Variants in KPNA4 observed in about 807,000 individuals in gnomAD.
The protein encoded by KPNA4 is importin subunit alpha-3.
Under a neutral mutation model 71.3 loss-of-function variants are expected in KPNA4, and 13 were observed. The observed-to-expected ratio is 0.18, with a 90% CI of 0.12 to 0.29. KPNA4 has a LOEUF of 0.29. KPNA4 is among the 10% of genes least tolerant of loss of function. KPNA4 has a pLI of 1.00. For synonymous variants in KPNA4, 189 were observed against 195.2 expected, an observed-to-expected ratio of 0.97 and a Z score of 0.26; for missense variants, 334 against 603.2, an observed-to-expected ratio of 0.55 and a Z score of 4.67.
chr3:160,548,731 T>G (rs1020011272), intron 1 of KPNA4, among the ~76,000 whole-genome samples: 19 of 152,238 alleles, frequency 1.2e-4, no homozygotes, highest in African/African-American at 4.3e-4. Flanking sequence ...TTTTGGATAC[T>G]GCAAATGCTG....
rs1018681614 is a variant in KPNA4, at chr3:160,498,838, T to C, written c.*3266A>G. 2 of 152,270 alleles carry C rather than the reference T, an allele frequency of 1.3e-5. No homozygotes were observed. Among genetic ancestry groups the C allele is most frequent in the Admixed American group, 6.5e-5 (1 of 15,288 alleles). The allele number at this position is 152,270 out of a possible 1,614,324, so 9.4% of individuals were successfully genotyped here. On this transcript the variant is annotated 3_prime_UTR_variant, in exon 17 of 17. Coordinates refer to ENST00000334256, the MANE Select transcript of KPNA4 (RefSeq NM_002268.5). Reference sequence around the variant, plus strand: ...TTGACCTACAGAAATTGTGAAATAATGTATGTTGTGTTTTAAGACACTAAA... The same window carrying C: ...TTGACCTACAGAAATTGTGAAATAACGTATGTTGTGTTTTAAGACACTAAA...
chr3:160,502,685 AGGG>A (rs1163068717), intron 16 of KPNA4, among the ~76,000 whole-genome samples: 6 of 152,162 alleles, frequency 3.9e-5, no homozygotes, highest in Non-Finnish European at 8.8e-5. Flanking sequence ...CTTTTTCTTA[AGGG>A]ATGCCAAAAT....
At chr3:160,527,501 C>T (rs1461440095) in intron 8 of KPNA4, among the ~76,000 whole-genome samples, 1 of 152,102 alleles carries the variant, frequency 6.6e-6, no homozygotes, top group Non-Finnish European at 1.5e-5. Context: ...GTACTGAAGT[C>T]TGCAAGAGAG....
intron 8 of KPNA4, among the ~76,000 whole-genome samples, chr3:160,526,941 T>G (rs77183377): frequency 2.0e-5 from 3 of 152,186 alleles, no homozygotes; most frequent in Non-Finnish European, 2.9e-5. Flanking sequence ...AGTCTGGATA[T>G]AGAAACAATA....
At chr3:160,541,899 G>C (rs913221472) in intron 1 of KPNA4, among the ~76,000 whole-genome samples, 2 of 152,128 alleles carry the variant, frequency 1.3e-5, no homozygotes, top group African/African-American at 4.8e-5. Flanking sequence ...CAAACAGCAA[G>C]TGCCAAACAC....
chr3:160,503,277 AG>A (rs1720918833), intron 16 of KPNA4, among the ~76,000 whole-genome samples: 1 of 152,252 alleles, frequency 6.6e-6, no homozygotes, highest in African/African-American at 2.4e-5. Context: ...GGCTTAAAAT[AG>A]TAAAATACAG....
chr3:160,495,519 A>T lies in KPNA4; in HGVS notation c.*6585T>A, dbSNP rs1720739290. 2.0e-5 allele frequency: 2 copies of T among 98,410 alleles called. No individual in the cohort carries two copies. The highest frequency in any genetic ancestry group is 5.2e-4 in the South Asian group (2 of 3,818). The allele number at this position is 98,410 out of a possible 1,614,324, so 6.1% of individuals were successfully genotyped here. On this transcript the variant is annotated 3_prime_UTR_variant, in exon 17 of 17. Transcript: ENST00000334256. ...TATCCTAGATCATCCTAAACTGGTT[A>T]AAAGGAAGATTTTAAAAACTAGCTT... is the stretch of plus-strand genomic sequence containing the variant.
chr3:160,510,075 C>T (rs1721060427), intron 13 of KPNA4, among the ~76,000 whole-genome samples: 1 of 151,994 alleles, frequency 6.6e-6, no homozygotes, highest in African/African-American at 2.4e-5. Context: ...TGTGAAATCT[C>T]CTGGAAACAA....
chr3:160,502,189 G>T lies in KPNA4; in HGVS notation c.1481C>A (p.Pro494His). The T allele has an allele frequency of 6.3e-7, 1 of 1,576,772 alleles. No homozygotes were observed. ...TTGAATTGCCTCTGGAACAAGGCTA[G>T]GGTCTTCATCAATCTAGGTGAAAAA... ...FFSSDDIDED[P>H]SLVPEAIQGG... Residue 494 changes from proline to histidine, a missense_variant, in exon 17 of 17, where the codon CCT becomes CAT. Coordinates refer to ENST00000334256, the MANE Select transcript of KPNA4 (RefSeq NM_002268.5).
At chr3:160,513,371 G>A (rs1721141389) in intron 13 of KPNA4, among the ~76,000 whole-genome samples, 4 of 144,420 alleles carry the variant, frequency 2.8e-5, no homozygotes, top group Middle Eastern at 4.0e-3. Context: ...TCCTCCCACC[G>A]TAGCTTCCCA....
intron 11 of KPNA4, among the ~76,000 whole-genome samples, chr3:160,519,864 A>T (rs185612868): frequency 6.6e-6 from 1 of 151,816 alleles, no homozygotes. Flanking sequence ...GTGTAAAATG[A>T]TATCTGGAAT....
chr3:160,557,005 G>A (rs1722149721), intron 1 of KPNA4, among the ~76,000 whole-genome samples: 1 of 152,082 alleles, frequency 6.6e-6, no homozygotes, highest in Non-Finnish European at 1.5e-5. Flanking sequence ...TTGTAGAGAT[G>A]AGGTCTCACT....
chr3:160,557,027 G>C (rs751032847), intron 1 of KPNA4, among the ~76,000 whole-genome samples: 11 of 152,064 alleles, frequency 7.2e-5, no homozygotes, highest in African/African-American at 2.2e-4. Context: ...TACTGCCTAG[G>C]ATGGTCTCAA....
chr3:160,502,445 A>T (rs1309792883), intron 16 of KPNA4, among the ~76,000 whole-genome samples: 2 of 151,774 alleles, frequency 1.3e-5, no homozygotes, highest in Non-Finnish European at 2.9e-5. Context: ...AACATAGCTC[A>T]TTGCAGCCTC....
intron 1 of KPNA4, among the ~76,000 whole-genome samples, chr3:160,555,501 C>T (rs1007765664): frequency 6.6e-6 from 1 of 152,040 alleles, no homozygotes; most frequent in African/African-American, 2.4e-5. Flanking sequence ...GCCTACATAT[C>T]TATGATAAAA....
chr3:160,502,962 T>C (rs1003930878), intron 16 of KPNA4, among the ~76,000 whole-genome samples: 2 of 151,986 alleles, frequency 1.3e-5, no homozygotes, highest in African/African-American at 4.8e-5. Flanking sequence ...AATACAAAAA[T>C]TAGCTGGGCA....
rs1720827423 is a variant in KPNA4, at chr3:160,499,145, T to C, written c.*2959A>G. 1 of 152,196 alleles carries C rather than the reference T, an allele frequency of 6.6e-6. No homozygotes were observed. Among genetic ancestry groups the C allele is most frequent in the Non-Finnish European group, 1.5e-5 (1 of 68,028 alleles). The allele number at this position is 152,196 out of a possible 1,614,324, so 9.4% of individuals were successfully genotyped here. On this transcript the variant is annotated 3_prime_UTR_variant, in exon 17 of 17. Coordinates refer to ENST00000334256, the MANE Select transcript of KPNA4 (RefSeq NM_002268.5). ...TTCTAGATCCATTTTTAATGATTCATAGATAGCTCTAATTATAGAAATGCT... is the reference window on the plus strand; with the variant it reads ...TTCTAGATCCATTTTTAATGATTCACAGATAGCTCTAATTATAGAAATGCT...
At chr3:160,534,228 G>C (rs1350897863) in intron 5 of KPNA4, among the ~76,000 whole-genome samples, 4 of 152,190 alleles carry the variant, frequency 2.6e-5, no homozygotes, top group Admixed American at 6.5e-5. Flanking sequence ...ACTAGGATCA[G>C]TTTCTTACTT....
At chr3:160,512,387 AAT>A (rs1721113675) in intron 13 of KPNA4, among the ~76,000 whole-genome samples, 1 of 152,202 alleles carries the variant, frequency 6.6e-6, no homozygotes, top group African/African-American at 2.4e-5. Context: ...AAACTTGCAA[AAT>A]ATATTTTAAA....
Sources: gnomAD v4.1 joint callset for allele counts (sites outside exome capture counted in the v4.1 genomes callset) on GRCh38, gnomAD v4.1.1 for gene constraint, MANE v1.5 for transcripts, NCBI Gene and HGNC (gene_info 2026-07-23, HGNC 2026-07-21) for gene names.